NFATC4: variants seen among roughly 807,000 people sequenced by gnomAD.
The protein encoded by NFATC4 is nuclear factor of activated T cells 4.
NFATC4 carries 25 observed loss-of-function variants against 73.4 expected under a neutral mutation model. The observed-to-expected ratio is 0.34, with a 90% CI of 0.25 to 0.48. The LOEUF is 0.48. Among genes scored for constraint, NFATC4 ranks in the 20% least tolerant of loss-of-function variants. The pLI, the probability that NFATC4 is intolerant of heterozygous loss-of-function variation, is 0.99. For synonymous variants in NFATC4, 523 were observed against 510.3 expected, an observed-to-expected ratio of 1.02 and a Z score of -0.34; for missense variants, 1,130 against 1,203.7, an observed-to-expected ratio of 0.94 and a Z score of 0.91.
chr14:24,372,288 T>C, intron 2 of NFATC4, 153 bp from the exon 3 acceptor site: 1 of 817,414 alleles, frequency 1.2e-6, no homozygotes. Context: ...AAAATTCTTT[T>C]TTCCCTTCTT....
rs756073934 is a variant in NFATC4 at position 24,372,586 on chromosome 14, G to A, written c.1342G>A (p.Gly448Ser). The A allele has an allele frequency of 1.9e-5, 30 of 1,613,862 alleles. No homozygotes were observed. Among genetic ancestry groups the A allele is most frequent in the South Asian group, 4.4e-5 (4 of 91,084 alleles). ...SRGAVKAAPGGHPVVKLLGYS... is the reference protein window; with the variant it reads ...SRGAVKAAPGSHPVVKLLGYS... ...TGGAGCTGTCAAAGCTGCCCCTGGC[G>A]GTCACCCCGTAGTCAAGGTAAAGGA... The change falls in exon 3 of 10, where the codon GGT becomes AGT. Residue 448 changes from glycine (G) to serine (S), a missense_variant. By Grantham distance (56) the Gly-to-Ser change is moderately conservative (BLOSUM62 0). Around this residue, in one of 3 missense-constraint regions of NFATC4, gnomAD observed 155 missense variants for 221.2 expected, o/e 0.70. Transcript: ENST00000250373.
chr14:24,375,252 C>T (rs986026330), intron 6 of NFATC4, among the ~76,000 whole-genome samples: 3 of 152,172 alleles, frequency 2.0e-5, no homozygotes, highest in Non-Finnish European at 2.9e-5. Flanking sequence ...CATGTCAGAG[C>T]TTCTCCAGAG....
chr14:24,370,827 C>CCCCTCCA (rs1403725802), intron 2 of NFATC4, among the ~76,000 whole-genome samples: 5 of 152,208 alleles, frequency 3.3e-5, no homozygotes, highest in Non-Finnish European at 5.9e-5. Flanking sequence ...TTAGAAAAAG[C>CCCCTCCA]CCCTCCACCC....
chr14:24,376,870 TG>T lies in NFATC4; in HGVS notation c.2635del (p.Glu879ArgfsTer3). ...AGTGTCCCTATCCAGGGTATCACGC[TG>T]GAGGAAGGTGGGTGTGGGACTGGGG... ...RDSVPIQGIT[L>X]EEVSEIIGRD... is the part of the protein sequence containing the mutation. On this transcript the variant is annotated frameshift_variant, in exon 9 of 10. Transcript: ENST00000250373. LOFTEE classifies it high-confidence loss of function. The surrounding 1 kb of genome is among the most constrained non-coding windows in gnomAD (Gnocchi z 5.0). The T allele has an allele frequency of 6.4e-7, 1 of 1,561,272 alleles. No individual in the cohort carries two copies. The highest frequency in any genetic ancestry group is 8.7e-7 in the Non-Finnish European group (1 of 1,155,238).
At position 24,376,797 on chromosome 14, in the gene NFATC4, C is replaced by T. The variant is rs868247208; in HGVS notation, c.2560C>T (p.Pro854Ser). ...AGGCTATGGCCCTGGGGAGGGGGCT[C>T]CGGAGCAGGAGAAATCCAGGGGTGG... ...GPGYGPGEGA[P>S]EQEKSRGGYS... Residue 854 changes from proline (P) to serine (S), a missense_variant, in exon 9 of 10, where the codon CCG becomes TCG. Pro to Ser is a moderately conservative substitution (Grantham distance 74). Coordinates refer to ENST00000250373, the MANE Select transcript of NFATC4 (RefSeq NM_004554.5). This position sits in a 1 kb window ranked among gnomAD's most constrained non-coding sequence, Gnocchi z 5.0. The T allele has an allele frequency of 5.0e-6, 8 of 1,610,126 alleles. No homozygotes were observed. The African/African-American group carries it at 1.1e-4, about 22-fold the overall frequency.
chr14:24,369,340 C>G (rs190909385), intron 1 of NFATC4, 159 bp from the exon 2 acceptor site: 9 of 1,597,808 alleles, frequency 5.6e-6, no homozygotes, highest in Non-Finnish European at 7.6e-6. Context: ...CTCCATCTTC[C>G]CAGGTCCAAC....
intron 6 of NFATC4, among the ~76,000 whole-genome samples, chr14:24,375,399 G>A (rs1007249224): frequency 1.3e-5 from 2 of 152,108 alleles, no homozygotes; most frequent in South Asian, 2.1e-4. Context: ...GGTTGCTTCC[G>A]TTACTGACTC....
At chr14:24,374,293 C>A in intron 5 of NFATC4, 33 bp from the exon 6 acceptor site, 1 of 1,578,618 alleles carries the variant, frequency 6.3e-7, no homozygotes, top group Non-Finnish European at 8.6e-7. Context: ...CATGCCCAGC[C>A]CAGCCAGTCC....
At position 24,369,783 on chromosome 14, in the gene NFATC4, GCAGCGCTGGAGGA is replaced by G; in HGVS notation, c.388_400del (p.Ala130ThrfsTer69). ...CATCTCTCCCACGCCGGAGCCGCCA[GCAGCGCTGGAGGA>G]CAACCCTGATGCCTGGGGGGACGGC... On this transcript the variant is annotated frameshift_variant, in exon 2 of 10. Transcript: ENST00000250373. LOFTEE classifies it high-confidence loss of function. 1 of 1,596,528 alleles carries G rather than the reference GCAGCGCTGGAGGA, an allele frequency of 6.3e-7. No homozygotes were observed. Among genetic ancestry groups the G allele is most frequent in the South Asian group, 1.1e-5 (1 of 89,512 alleles).
At chr14:24,372,911 C>G (rs1318460436) in intron 3 of NFATC4, 2 of 597,070 alleles carry the variant, frequency 3.3e-6, no homozygotes, top group Non-Finnish European at 5.9e-6. Flanking sequence ...GTTAAGTTTT[C>G]TCTGTATTGA....
Position 24,377,481 on chromosome 14 carries a change from T to C in NFATC4, c.2642-157T>C, listed in dbSNP as rs1328559015. On this transcript the variant is annotated intron_variant, in intron 9 of 9. Coordinates refer to ENST00000250373, the MANE Select transcript of NFATC4 (RefSeq NM_004554.5). The surrounding 1 kb of genome is among the most constrained non-coding windows in gnomAD (Gnocchi z 4.2). ...TTGATTCGGAGCAGGTGTCAAGACG[T>C]GTTGGGGAAACTGAGGCCCAGTGGA... 1 of 1,453,752 alleles carries C rather than the reference T, an allele frequency of 6.9e-7. No individual in the cohort carries two copies. Among genetic ancestry groups the C allele is most frequent in the Non-Finnish European group, 9.0e-7 (1 of 1,106,254 alleles). 90.1% of individuals were successfully genotyped at this position (1,453,752 alleles called of 1,614,324 possible).
In NFATC4 at chr14:24,374,326, C is replaced by G. The variant is rs769390142; in HGVS notation, c.1733C>G (p.Ser578Cys). ...VQAASVPIEC[S>C]QRSAQELPQV... ...TCCTCTTCCTTGCACTGCTCTGCAG[C>G]CCAGCGCTCAGCCCAGGAGCTGCCC... The change falls in exon 6 of 10, where the codon TCC (serine) becomes TGC (cysteine). Residue 578 changes from serine (S) to cysteine (C), a missense_variant and splice_region_variant. Coordinates refer to ENST00000250373, the MANE Select transcript of NFATC4 (RefSeq NM_004554.5). The G allele has an allele frequency of 6.2e-7, 1 of 1,609,384 alleles. No homozygotes were observed. Among genetic ancestry groups the G allele is most frequent in the Non-Finnish European group, 8.5e-7 (1 of 1,177,796 alleles).
rs1001130132 is a variant in NFATC4 at position 24,377,995 on chromosome 14, C to G, written c.*290C>G. 7.4e-6 allele frequency: 4 copies of G among 543,200 alleles called. No homozygotes were observed. The highest frequency in any genetic ancestry group is 1.9e-5 in the African/African-American group (1 of 52,804). 33.6% of individuals were successfully genotyped at this position (543,200 alleles called of 1,614,324 possible). ...AGTGAAGGCGTGTCTAGAGTGTGGGCTGGCTGTTGTGCTGGAAAGCTGGGG... is the reference window on the plus strand; with the variant it reads ...AGTGAAGGCGTGTCTAGAGTGTGGGGTGGCTGTTGTGCTGGAAAGCTGGGG... On this transcript the variant is annotated 3_prime_UTR_variant, in exon 10 of 10. Transcript: ENST00000250373. This position sits in a 1 kb window ranked among gnomAD's most constrained non-coding sequence, Gnocchi z 4.2.
chr14:24,370,140 C>T lies in NFATC4; in HGVS notation c.742C>T (p.Leu248=), dbSNP rs750367874. The T allele has an allele frequency of 7.5e-5, 121 of 1,603,608 alleles. No individual in the cohort carries two copies. The highest frequency in any genetic ancestry group is 1.0e-4 in the Admixed American group (6 of 59,970). The part of the protein sequence containing the change: ...PGGRGPEDSW[L]LLSAPGPTPA... Reference sequence around the variant, plus strand: ...AGGCCGAGGGCCAGAGGATAGCTGGCTACTCCTCAGTGCTCCTGGGCCCAC... The same window carrying T: ...AGGCCGAGGGCCAGAGGATAGCTGGTTACTCCTCAGTGCTCCTGGGCCCAC... The change falls in exon 2 of 10, where the codon CTA becomes TTA. Residue 248 remains leucine, a synonymous_variant. Coordinates refer to ENST00000250373, the MANE Select transcript of NFATC4 (RefSeq NM_004554.5).
Position 24,376,607 on chromosome 14 carries a change from C to A in NFATC4, c.2370C>A (p.Asp790Glu), listed in dbSNP as rs758212728. Residue 790 changes from aspartate (D) to glutamate (E), a missense_variant, in exon 9 of 10, where the codon GAC becomes GAA. By Grantham distance (45) the Asp-to-Glu change is conservative. Transcript: ENST00000250373. This position sits in a 1 kb window ranked among gnomAD's most constrained non-coding sequence, Gnocchi z 5.0. ...TCCTTCCCCGCCCCTTCCCTAGTGA[C>A]CCGTATGGAGGGCGGGGCTCCTCTT... ...VSFLPRPFPSDPYGGRGSSFS... is the reference protein window; with the variant it reads ...VSFLPRPFPSEPYGGRGSSFS... 1 of 1,613,830 alleles carries A rather than the reference C, an allele frequency of 6.2e-7. No individual in the cohort carries two copies. The highest frequency in any genetic ancestry group is 8.5e-7 in the Non-Finnish European group (1 of 1,179,892).
rs773759241 is a variant in NFATC4, at chr14:24,374,058, G to A, written c.1732+191G>A. The A allele has an allele frequency of 2.4e-5, 23 of 941,008 alleles. No individual in the cohort carries two copies. The South Asian group carries it at 3.1e-4, about 13-fold the overall frequency. 58.3% of individuals were successfully genotyped at this position (941,008 alleles called of 1,614,324 possible). A position where few individuals can be genotyped will look rare whatever the true frequency, so the allele number is the denominator to read the frequency against. Reference sequence around the variant, plus strand: ...CTCTGTCTCTGGGGTGGCCCAGAGTGACACTGGACCCTATCTATTCCTGGG... The same window carrying A: ...CTCTGTCTCTGGGGTGGCCCAGAGTAACACTGGACCCTATCTATTCCTGGG... On this transcript the variant is annotated intron_variant, in intron 5 of 9. Transcript: ENST00000250373.
At chr14:24,367,244 G>C, upstream of NFATC4, 3 of 1,611,888 alleles carry the variant, frequency 1.9e-6, no homozygotes, top group Middle Eastern at 1.7e-4. Context: ...TTGGGGGCGG[G>C]GGGGCCAAGG....
At chr14:24,370,793 G>A (rs2042455193) in intron 2 of NFATC4, among the ~76,000 whole-genome samples, 199 bp downstream of exon 2, 1 of 152,214 alleles carries the variant, frequency 6.6e-6, no homozygotes, top group Admixed American at 6.5e-5. Context: ...ATTTACAAGA[G>A]GGCAACAGTT....
Position 24,369,787 on chromosome 14 carries a change from C to A in NFATC4, c.389C>A (p.Ala130Glu). Residue 130 changes from alanine to glutamate, a missense_variant, in exon 2 of 10, where the codon GCG (alanine) becomes GAG (glutamate). Ala to Glu is a moderately radical substitution (Grantham distance 107). Coordinates refer to ENST00000250373, the MANE Select transcript of NFATC4 (RefSeq NM_004554.5). ...SISPTPEPPA[A>E]LEDNPDAWGD... ...TCTCCCACGCCGGAGCCGCCAGCAG[C>A]GCTGGAGGACAACCCTGATGCCTGG... 4.4e-6 allele frequency: 7 copies of A among 1,595,916 alleles called. No individual in the cohort carries two copies. Among genetic ancestry groups the A allele is most frequent in the Non-Finnish European group, 6.0e-6 (7 of 1,171,104 alleles).
Sources: gnomAD v4.1 joint callset for allele counts (sites outside exome capture counted in the v4.1 genomes callset) on GRCh38, gnomAD v4.1.1 for gene constraint, gnomAD v4.1.1 regional missense constraint, Gnocchi (gnomAD v3.1) non-coding constraint, MANE v1.5 for transcripts, NCBI Gene and HGNC (gene_info 2026-07-23, HGNC 2026-07-21) for gene names.